Variants in CFAP92 observed in about 807,000 individuals in gnomAD.
CFAP92 encodes the protein uncharacterized protein CFAP92.
Under a neutral mutation model 106.3 loss-of-function variants are expected in CFAP92, and 86 were observed. That is an observed-to-expected ratio of 0.81 (90% CI 0.68 to 0.97). CFAP92 has a LOEUF of 0.97. Ranked by LOEUF, CFAP92 falls within the 50% of genes least tolerant of loss-of-function variation. The pLI is 0.00. For synonymous variants in CFAP92, 477 were observed against 506.4 expected (o/e 0.94, Z 0.78); for missense variants, 1,204 against 1,283.8 (o/e 0.94, Z 0.95).
intron 11 of CFAP92, among the ~76,000 whole-genome samples, chr3:128,933,892 C>G (rs1378852290): frequency 6.6e-6 from 1 of 152,074 alleles, no homozygotes; most frequent in Non-Finnish European, 1.5e-5. Flanking sequence ...TCCTATCTCT[C>G]CAGCCTCCTC....
At chr3:129,022,174 G>A in the CFAP92 span, among the ~76,000 whole-genome samples, 1 of 152,196 alleles carries the variant, frequency 6.6e-6, no homozygotes, top group African/African-American at 2.4e-5. Context: ...CCAGGGGCAG[G>A]AGCTCCACAA....
At chr3:128,975,373 A>G (rs975201901) in intron 7 of CFAP92, among the ~76,000 whole-genome samples, 5 of 152,198 alleles carry the variant, frequency 3.3e-5, no homozygotes, top group African/African-American at 1.2e-4. Flanking sequence ...GGGTGAGTGA[A>G]TGACATGAGA....
chr3:129,004,000 G>C, upstream of CFAP92: 6 of 1,505,128 alleles, frequency 4.0e-6, no homozygotes, highest in Non-Finnish European at 4.4e-6. Flanking sequence ...GCGTGCGAGA[G>C]CTGGAGGCGC....
chr3:129,003,992 G>T, upstream of CFAP92: 1 of 1,500,818 alleles, frequency 6.7e-7, no homozygotes, highest in Middle Eastern at 2.3e-4. Context: ...CCTGCACCGC[G>T]TGCGAGAGCT....
At chr3:128,938,140 G>C (rs957090810) in intron 10 of CFAP92, among the ~76,000 whole-genome samples, 2 of 151,926 alleles carry the variant, frequency 1.3e-5, no homozygotes, top group Non-Finnish European at 2.9e-5. Flanking sequence ...GCTGAGGTGG[G>C]AGGATTGCTT....
intron 9 of CFAP92, among the ~76,000 whole-genome samples, chr3:128,960,787 G>T (rs1240405964): frequency 6.6e-6 from 1 of 151,624 alleles, no homozygotes; most frequent in African/African-American, 2.4e-5. Flanking sequence ...TCCTGGGGCA[G>T]GGGCAAGTAC....
intron 15 of CFAP92, chr3:128,910,742 T>G: frequency 1.2e-6 from 2 of 1,614,244 alleles, no homozygotes; most frequent in Non-Finnish European, 1.7e-6. Flanking sequence ...TTCTGGCAGG[T>G]TCTCTTGGCC....
chr3:128,981,931 T>A (rs981572404), intron 4 of CFAP92, among the ~76,000 whole-genome samples: 2 of 152,212 alleles, frequency 1.3e-5, no homozygotes, highest in African/African-American at 4.8e-5. Flanking sequence ...TATAAACAGA[T>A]GTGCTGTCAT....
intron 3 of CFAP92, among the ~76,000 whole-genome samples, chr3:128,988,516 G>A (rs1164330955): frequency 3.9e-5 from 6 of 151,978 alleles, no homozygotes; most frequent in African/African-American, 1.2e-4. Context: ...CTCCAGCCTG[G>A]GCAACAGAGC....
chr3:128,956,977 C>CAAAAAAAAAAAAAAAAA (rs766884799), intron 9 of CFAP92, among the ~76,000 whole-genome samples: 2 of 28,596 alleles, frequency 7.0e-5, no homozygotes, highest in African/African-American at 1.3e-4. Flanking sequence ...CAGACTCTCT[C>CAAAAAAAAAAAAAAAAA]AAAAAAAAAA....
Position 128,916,189 on chromosome 3 carries a change from T to C in CFAP92, c.2834A>G (p.Asn945Ser), listed in dbSNP as rs1480856970. The C allele has an allele frequency of 2.4e-6, 3 of 1,232,162 alleles. No homozygotes were observed. The highest frequency in any genetic ancestry group is 3.1e-4 in the Middle Eastern group (1 of 3,208). The allele number at this position is 1,232,162 out of a possible 1,614,324, so 76.3% of individuals were successfully genotyped here. Residue 945 changes from asparagine to serine, a missense_variant, in exon 13 of 16, where the codon AAC becomes AGC. Coordinates refer to ENST00000645291, the MANE Select transcript of CFAP92 (RefSeq NM_001394090.1). ...AKVIKISAPANKAVYNYSTQT... is the reference protein window; with the variant it reads ...AKVIKISAPASKAVYNYSTQT... Reference sequence around the variant, plus strand: ...GGTACTATAGTTGTAGACGGCCTTGTTGGCAGGGGCTGAAATTTTAATCAC... The same window carrying C: ...GGTACTATAGTTGTAGACGGCCTTGCTGGCAGGGGCTGAAATTTTAATCAC...
At chr3:128,917,263 T>G (rs917443381) in intron 12 of CFAP92, among the ~76,000 whole-genome samples, 10 of 152,198 alleles carry the variant, frequency 6.6e-5, no homozygotes, top group African/African-American at 1.9e-4. Context: ...TTGTCCTTAG[T>G]GGGGGAGTTG....
At chr3:128,983,076 T>G (rs972589337) in intron 4 of CFAP92, among the ~76,000 whole-genome samples, 1 of 152,048 alleles carries the variant, frequency 6.6e-6, no homozygotes, top group South Asian at 2.1e-4. Flanking sequence ...AACCTCCAAT[T>G]TGGAAAACGC....
intron 13 of CFAP92, chr3:128,915,804 GT>G (rs1559845798): frequency 7.9e-5 from 39 of 496,720 alleles, no homozygotes; most frequent in Middle Eastern, 5.1e-4. Flanking sequence ...TTTCCCTTCT[GT>G]TGGTAGCTGC....
the CFAP92 span, among the ~76,000 whole-genome samples, chr3:129,024,405 C>A: frequency 1.3e-5 from 2 of 152,026 alleles, no homozygotes; most frequent in Middle Eastern, 3.2e-3. Flanking sequence ...GTTGCACACA[C>A]CTGTAGTCCC....
At chr3:128,956,564 A>C (rs908404494) in intron 9 of CFAP92, among the ~76,000 whole-genome samples, 19 of 152,160 alleles carry the variant, frequency 1.2e-4, no homozygotes, top group Admixed American at 1.2e-3. Context: ...AAATCTTGAA[A>C]GCTGCAAGAG....
chr3:128,925,805 G>T (rs1335821004), intron 12 of CFAP92, among the ~76,000 whole-genome samples: 1 of 152,102 alleles, frequency 6.6e-6, no homozygotes, highest in Non-Finnish European at 1.5e-5. Flanking sequence ...AATTTAAGCA[G>T]CCAGAGACAA....
At chr3:128,974,877 T>C (rs35159881) in intron 7 of CFAP92, among the ~76,000 whole-genome samples, 15,646 of 150,758 alleles carry the variant, frequency 0.1, 965 homozygotes, top group South Asian at 0.19. Context: ...ATCCAGCACT[T>C]TGGGAGGCCG....
chr3:128,947,354 T>A (rs1040905779), intron 9 of CFAP92, among the ~76,000 whole-genome samples: 1 of 152,230 alleles, frequency 6.6e-6, no homozygotes, highest in Non-Finnish European at 1.5e-5. Flanking sequence ...GTAATGCAAT[T>A]CCAATCAAAA....
Sources: allele counts gnomAD v4.1 joint callset (sites outside exome capture counted in the v4.1 genomes callset), GRCh38; gene constraint gnomAD v4.1.1; transcripts MANE v1.5; gene names NCBI Gene and HGNC (gene_info 2026-07-23, HGNC 2026-07-21).